The following ADAMTSL1 variants were observed in gnomAD, a reference collection of about 807,000 sequenced individuals.
ADAMTSL1 encodes the protein ADAMTS-like protein 1.
Under a neutral mutation model 201.8 loss-of-function variants are expected in ADAMTSL1, and 126 were observed. The observed-to-expected ratio is 0.62, with a 90% CI of 0.54 to 0.72. ADAMTSL1 has a LOEUF of 0.72. ADAMTSL1 is among the 30% of genes least tolerant of loss of function. The pLI, the probability that ADAMTSL1 is intolerant of heterozygous loss-of-function variation, is 0.00. For missense variants in ADAMTSL1, 2,679 were observed against 2,277.8 expected (o/e 1.18, Z -3.59); for synonymous variants, 1,121 against 903.4 (o/e 1.24, Z -4.32).
intron 1 of ADAMTSL1, among the ~76,000 whole-genome samples, chr9:18,140,274 G>T (rs1368835852): frequency 6.6e-6 from 1 of 152,130 alleles, no homozygotes; most frequent in African/African-American, 2.4e-5. Flanking sequence ...CTTTGCTGAT[G>T]GCCCCCAAGA....
At chr9:18,415,570 C>A (rs1818637811) in intron 2 of ADAMTSL1, among the ~76,000 whole-genome samples, 1 of 151,882 alleles carries the variant, frequency 6.6e-6, no homozygotes, top group East Asian at 1.9e-4. Context: ...ACTTCAGTTG[C>A]CTAATATATA....
intron 1 of ADAMTSL1, among the ~76,000 whole-genome samples, chr9:18,110,574 C>G (rs934826728): frequency 6.6e-6 from 1 of 152,114 alleles, no homozygotes; most frequent in Non-Finnish European, 1.5e-5. Flanking sequence ...TCTTTTTGAG[C>G]TAGTGATTCA....
chr9:18,765,515 C>T (rs1820306901), intron 16 of ADAMTSL1, among the ~76,000 whole-genome samples: 1 of 151,990 alleles, frequency 6.6e-6, no homozygotes, highest in African/African-American at 2.4e-5. Flanking sequence ...ATTATCAAAA[C>T]ACCATATACT....
Position 18,776,832 on chromosome 9 carries a change from A to G in ADAMTSL1, c.2603A>G (p.Lys868Arg). ...AGCCCGCACATCGCGGCCGCCAGGAAGGTCTACATACAGACTCGCAGGCAG... is the reference window on the plus strand; with the variant it reads ...AGCCCGCACATCGCGGCCGCCAGGAGGGTCTACATACAGACTCGCAGGCAG... ...KHSPHIAAAR[K>R]VYIQTRRQRK... The change falls in exon 19 of 29, where the codon AAG becomes AGG. Residue 868 changes from lysine to arginine, a missense_variant. Physicochemically the swap from Lys to Arg is conservative, Grantham distance 26. Coordinates refer to ENST00000380548, the MANE Select transcript of ADAMTSL1 (RefSeq NM_001040272.6). 1 of 1,592,260 alleles carries G rather than the reference A, an allele frequency of 6.3e-7. No homozygotes were observed. The highest frequency in any genetic ancestry group is 8.5e-7 in the Non-Finnish European group (1 of 1,169,752).
chr9:18,275,607 A>G (rs1395936706), intron 2 of ADAMTSL1, among the ~76,000 whole-genome samples: 1 of 152,226 alleles, frequency 6.6e-6, no homozygotes, highest in African/African-American at 2.4e-5. Context: ...AAATGAAATC[A>G]GATAATATAT....
intron 1 of ADAMTSL1, among the ~76,000 whole-genome samples, chr9:18,039,269 G>T (rs1027028994): frequency 6.6e-6 from 1 of 152,088 alleles, no homozygotes; most frequent in Non-Finnish European, 1.5e-5. Context: ...ATTAAGATTT[G>T]AGCAAATAAA....
chr9:17,953,419 C>G (rs1402172360), intron 1 of ADAMTSL1, among the ~76,000 whole-genome samples: 1 of 152,140 alleles, frequency 6.6e-6, no homozygotes, highest in African/African-American at 2.4e-5. Flanking sequence ...GAATAGAAAA[C>G]TAGCTTTACA....
At chr9:18,882,034 C>CAAATATTCCTCTTA (rs1828566405) in intron 23 of ADAMTSL1, among the ~76,000 whole-genome samples, 1 of 152,140 alleles carries the variant, frequency 6.6e-6, no homozygotes, top group South Asian at 2.1e-4. Flanking sequence ...GATTTTTGTG[C>CAAATATTCCTCTTA]AAATATTCCT....
intron 1 of ADAMTSL1, among the ~76,000 whole-genome samples, chr9:18,484,220 G>T (rs1367170182): frequency 1.3e-5 from 2 of 152,188 alleles, no homozygotes; most frequent in South Asian, 4.1e-4. Flanking sequence ...ATGTCGGTAA[G>T]GATTTGGCAC....
intron 1 of ADAMTSL1, among the ~76,000 whole-genome samples, chr9:17,958,630 C>G (rs1238486534): frequency 6.6e-6 from 1 of 152,018 alleles, no homozygotes; most frequent in Non-Finnish European, 1.5e-5. Flanking sequence ...GCATGGTGTG[C>G]TTTGTGTATG....
chr9:18,882,564 C>T (rs1368772), intron 23 of ADAMTSL1, among the ~76,000 whole-genome samples: 99,593 of 151,950 alleles, frequency 0.66, 32,808 homozygotes, highest in African/African-American at 0.72. Context: ...AGTGGACTGA[C>T]TTCTCTCCCC....
At chr9:18,206,518 A>G (rs1429561580) in intron 2 of ADAMTSL1, among the ~76,000 whole-genome samples, 2 of 152,008 alleles carry the variant, frequency 1.3e-5, no homozygotes, top group Non-Finnish European at 2.9e-5. Context: ...TTACTATTAT[A>G]GTTTCTAATT....
intron 3 of ADAMTSL1, among the ~76,000 whole-genome samples, chr9:18,547,360 G>A (rs1382748761): frequency 6.6e-6 from 1 of 151,878 alleles, no homozygotes; most frequent in African/African-American, 2.4e-5. Context: ...AATATAAAAT[G>A]ATAAAACCAG....
intron 23 of ADAMTSL1, among the ~76,000 whole-genome samples, chr9:18,851,909 G>A (rs1826519677): frequency 1.3e-5 from 2 of 152,210 alleles, no homozygotes; most frequent in Non-Finnish European, 2.9e-5. Context: ...TCAGGAAGCT[G>A]CTGATCACCA....
chr9:18,699,020 A>C (rs951697016), intron 13 of ADAMTSL1, among the ~76,000 whole-genome samples: 2 of 152,220 alleles, frequency 1.3e-5, no homozygotes, highest in Admixed American at 6.5e-5. Flanking sequence ...CCAGGCTTTG[A>C]AAGAGCCAGT....
chr9:18,643,895 T>G (rs183076805), intron 7 of ADAMTSL1, among the ~76,000 whole-genome samples: 72 of 151,924 alleles, frequency 4.7e-4, no homozygotes, highest in African/African-American at 1.6e-3. Flanking sequence ...ATTTTAGGGT[T>G]TTTTTTTCCA....
chr9:18,492,257 A>G (rs1447726223), intron 1 of ADAMTSL1, among the ~76,000 whole-genome samples: 2 of 152,192 alleles, frequency 1.3e-5, no homozygotes, highest in Non-Finnish European at 2.9e-5. Flanking sequence ...ACACTTGGCT[A>G]GGAATTAAGT....
chr9:18,364,770 G>A lies in ADAMTSL1; in HGVS notation c.208-140059G>A, dbSNP rs199733313. ...CTGCGTCTTGGGAGGCCTCAGGAAAGTTACAATCATGGGGGAAGGTGAAGG... is the reference window on the plus strand; with the variant it reads ...CTGCGTCTTGGGAGGCCTCAGGAAAATTACAATCATGGGGGAAGGTGAAGG... On this transcript the variant is annotated intron_variant, in intron 2 of 29. Transcript: ENST00000680146. 9.5e-4 allele frequency among the ~76,000 whole-genome samples: 145 copies of A among 152,224 alleles called. 1 individual carries two copies. Among genetic ancestry groups the A allele is most frequent in the African/African-American group, 2.9e-3 (122 of 41,522 alleles).
At chr9:18,306,519 A>T (rs1833914685) in intron 2 of ADAMTSL1, among the ~76,000 whole-genome samples, 1 of 152,196 alleles carries the variant, frequency 6.6e-6, no homozygotes, top group African/African-American at 2.4e-5. Context: ...GGAGCTGAAA[A>T]ACACAGCACG....
Sources: allele counts gnomAD v4.1 joint callset (sites outside exome capture counted in the v4.1 genomes callset), GRCh38; gene constraint gnomAD v4.1.1; transcripts MANE v1.5; gene names NCBI Gene and HGNC (gene_info 2026-07-23, HGNC 2026-07-21).